The following ANKRD28 variants were observed in gnomAD, a reference collection of about 807,000 sequenced individuals.
The protein encoded by ANKRD28 is serine/threonine-protein phosphatase 6 regulatory ankyrin repeat subunit A.
ANKRD28 carries 44 observed loss-of-function variants against 126.5 expected under a neutral mutation model. The observed-to-expected ratio is 0.35, with a 90% CI of 0.27 to 0.45. The LOEUF is 0.45. ANKRD28 is among the 20% of genes least tolerant of loss of function. ANKRD28 has a pLI of 1.00. For missense variants in ANKRD28, 1,110 were observed against 1,316.6 expected (o/e 0.84, Z 2.43); for synonymous variants, 442 against 468.5 (o/e 0.94, Z 0.73).
intron 18 of ANKRD28, among the ~76,000 whole-genome samples, chr3:15,686,640 C>A (rs912658492): frequency 1.3e-5 from 2 of 152,164 alleles, no homozygotes; most frequent in African/African-American, 4.8e-5. Context: ...AGGGATGATA[C>A]CATGATTAGA....
intron 12 of ANKRD28, among the ~76,000 whole-genome samples, chr3:15,710,797 AG>A (rs1322686164): frequency 6.6e-6 from 1 of 152,142 alleles, no homozygotes; most frequent in Non-Finnish European, 1.5e-5. Context: ...TTCCTAGTAG[AG>A]GTAAGACACA....
Position 15,846,920 on chromosome 3 carries a change from C to T in ANKRD28, c.27+12457G>A, listed in dbSNP as rs1244405666. Among the ~76,000 whole-genome samples the T allele has an allele frequency of 2.0e-5, 3 of 152,138 alleles. No homozygotes were observed. The highest frequency in any genetic ancestry group is 4.4e-5 in the Non-Finnish European group (3 of 68,030). ...AACACTTCTGCTTTATTTCCTATGG[C>T]CAGATTTCAATCATATGGCCATCCC... On this transcript the variant is annotated intron_variant, in intron 1 of 27. Coordinates refer to the ANKRD28 transcript ENST00000399451. This position sits in a 1 kb window ranked among gnomAD's most constrained non-coding sequence, Gnocchi z 5.4.
intron 2 of ANKRD28, among the ~76,000 whole-genome samples, chr3:15,767,906 A>C (rs1190232530): frequency 1.3e-5 from 2 of 148,674 alleles, no homozygotes; most frequent in East Asian, 2.0e-4. Context: ...AACAAAACAA[A>C]ACAACAAAAA....
intron 27 of ANKRD28, among the ~76,000 whole-genome samples, chr3:15,671,719 G>A (rs1268306791): frequency 6.6e-6 from 1 of 151,760 alleles, no homozygotes; most frequent in Non-Finnish European, 1.5e-5. Context: ...GAGTAGCTGG[G>A]ATTACACGTG....
At chr3:15,841,504 G>A (rs1337192064) in intron 1 of ANKRD28, among the ~76,000 whole-genome samples, 4 of 152,062 alleles carry the variant, frequency 2.6e-5, no homozygotes, top group African/African-American at 4.8e-5. Context: ...CCCATAGAAT[G>A]GGAGAAAATA....
chr3:15,699,021 T>C (rs2070126011), intron 14 of ANKRD28, among the ~76,000 whole-genome samples: 1 of 152,098 alleles, frequency 6.6e-6, no homozygotes, highest in African/African-American at 2.4e-5. Flanking sequence ...CAAAACAGCA[T>C]GGTACTGGTA....
chr3:15,825,089 C>T (rs1361456140), intron 1 of ANKRD28, among the ~76,000 whole-genome samples: 1 of 152,088 alleles, frequency 6.6e-6, no homozygotes, highest in African/African-American at 2.4e-5. Flanking sequence ...TTTGCGTTAC[C>T]AGTACTCTCC....
Position 15,694,377 on chromosome 3 carries a change from A to C in ANKRD28, c.1761+362T>G, listed in dbSNP as rs116310425. Among the ~76,000 whole-genome samples the C allele has an allele frequency of 4.5e-3, 690 of 152,288 alleles. 3 individuals carry two copies. The highest frequency in any genetic ancestry group is 0.017 in the Middle Eastern group (5 of 294). On this transcript the variant is annotated intron_variant, in intron 17 of 27. Transcript: ENST00000683139. Reference sequence around the variant, plus strand: ...TAGAAATACCACAGAATGTGTGTGTATACCATCTGCTTAGCCAACTTATAA... The same window carrying C: ...TAGAAATACCACAGAATGTGTGTGTCTACCATCTGCTTAGCCAACTTATAA...
At chr3:15,834,651 T>A (rs115230233) in intron 1 of ANKRD28, among the ~76,000 whole-genome samples, 1,652 of 152,308 alleles carry the variant, frequency 0.011, 12 homozygotes, top group Non-Finnish European at 0.015. Flanking sequence ...GGGGACATTT[T>A]TCTCCTTTCA....
At chr3:15,707,544 T>C (rs1165564690) in intron 14 of ANKRD28, among the ~76,000 whole-genome samples, 1 of 152,210 alleles carries the variant, frequency 6.6e-6, no homozygotes, top group Non-Finnish European at 1.5e-5. Flanking sequence ...TTCCAACCTC[T>C]ACCCAATCTT....
At chr3:15,677,290 A>G (rs1395637946) in intron 25 of ANKRD28, among the ~76,000 whole-genome samples, 190 bp downstream of exon 25, 4 of 152,174 alleles carry the variant, frequency 2.6e-5, no homozygotes, top group African/African-American at 9.7e-5. Context: ...TTGTGTTCCA[A>G]AACTTATTTG....
chr3:15,770,404 A>T (rs1052998630), intron 2 of ANKRD28, among the ~76,000 whole-genome samples: 1 of 136,624 alleles, frequency 7.3e-6, no homozygotes, highest in African/African-American at 3.1e-5. Flanking sequence ...TATTGAATAC[A>T]TATATATACA....
At chr3:15,802,840 A>C (rs1005804116), upstream of ANKRD28, among the ~76,000 whole-genome samples, 19 of 152,210 alleles carry the variant, frequency 1.2e-4, no homozygotes, top group African/African-American at 4.6e-4. Context: ...CCTAGTATAC[A>C]TTCATCTACT....
At chr3:15,754,994 G>A (rs181651930) in intron 3 of ANKRD28, among the ~76,000 whole-genome samples, 281 of 152,008 alleles carry the variant, frequency 1.8e-3, no homozygotes, top group African/African-American at 6.3e-3. Context: ...AGCGGTGGGC[G>A]CCTGCAATCC....
Position 15,812,598 on chromosome 3 carries a change from C to T in ANKRD28, c.28-17292G>A, listed in dbSNP as rs1575753871. On this transcript the variant is annotated intron_variant, in intron 1 of 27. Transcript: ENST00000399451. The surrounding 1 kb of genome is among the most constrained non-coding windows in gnomAD (Gnocchi z 4.1). ...AAGTTGGCATTTCGTTGTTGTTTTTCTGTCTTGCTTACCAATTATCCAAAT... is the reference window on the plus strand; with the variant it reads ...AAGTTGGCATTTCGTTGTTGTTTTTTTGTCTTGCTTACCAATTATCCAAAT... Among the ~76,000 whole-genome samples, 1 of 152,232 alleles carries T rather than the reference C, an allele frequency of 6.6e-6. No individual in the cohort carries two copies. Among genetic ancestry groups the T allele is most frequent in the African/African-American group, 2.4e-5 (1 of 41,540 alleles).
chr3:15,709,718 G>T lies in ANKRD28; in HGVS notation c.1356C>A (p.Asn452Lys). The change falls in exon 13 of 28, where the codon AAC becomes AAA. Residue 452 changes from asparagine (N) to lysine (K), a missense_variant. Physicochemically the swap from Asn to Lys is moderately conservative, Grantham distance 94 (BLOSUM62 0). Coordinates refer to ENST00000683139, the MANE Select transcript of ANKRD28 (RefSeq NM_001349278.2). ...AGTCTGCACCAGTATTCAGCAGAAG[G>T]TTTAGGCACTCCAAATTCCTATTGA... ...AAAGGNLECL[N>K]LLLNTGADFN... 1 of 1,574,872 alleles carries T rather than the reference G, an allele frequency of 6.3e-7. No homozygotes were observed. Among genetic ancestry groups the T allele is most frequent in the Non-Finnish European group, 8.6e-7 (1 of 1,158,750 alleles).
Position 15,675,962 on chromosome 3 carries a change from C to A in ANKRD28, c.2901G>T (p.Gly967=). 6.2e-7 allele frequency: 1 copy of A among 1,612,928 alleles called. No homozygotes were observed. The highest frequency in any genetic ancestry group is 8.5e-7 in the Non-Finnish European group (1 of 1,179,206). ...AAAGTTCCTGAACCACCATTGTTAG[C>A]CCATTTCGGGCAGCAACATGCAGAG... ...QTPLHVAARN[G]LTMVVQELLG... is the part of the protein sequence containing the mutation. The change falls in exon 27 of 28, where the codon GGG becomes GGT. Residue 967 remains glycine, a synonymous_variant. Transcript: ENST00000683139.
intron 2 of ANKRD28, among the ~76,000 whole-genome samples, chr3:15,768,464 T>C (rs978925322): frequency 2.0e-5 from 3 of 152,078 alleles, no homozygotes; most frequent in African/African-American, 4.8e-5. Flanking sequence ...CTGGGCAATA[T>C]AGTGAGACCT....
chr3:15,674,592 T>A (rs2066743268), intron 27 of ANKRD28, among the ~76,000 whole-genome samples: 1 of 152,196 alleles, frequency 6.6e-6, no homozygotes, highest in East Asian at 1.9e-4. Context: ...GGGCTGGAGA[T>A]ATAAATCTGG....
Sources: gnomAD v4.1 joint callset for allele counts (sites outside exome capture counted in the v4.1 genomes callset) on GRCh38, gnomAD v4.1.1 for gene constraint, Gnocchi (gnomAD v3.1) non-coding constraint, MANE v1.5 for transcripts, NCBI Gene and HGNC (gene_info 2026-07-23, HGNC 2026-07-21) for gene names.